Variants in RORB observed in about 807,000 individuals in gnomAD.
RORB encodes RAR related orphan receptor B.
A neutral mutation model predicts 59.1 loss-of-function variants in RORB; 6 were observed. That is an observed-to-expected ratio of 0.10 (90% CI 0.06 to 0.20). RORB has a LOEUF of 0.20. Among genes scored for constraint, RORB ranks in the 10% least tolerant of loss-of-function variants. The pLI, the probability that RORB is intolerant of heterozygous loss-of-function variation, is 1.00. For synonymous variants in RORB, 215 were observed against 204.5 expected (o/e 1.05, Z -0.44); for missense variants, 320 against 560.5 (o/e 0.57, Z 4.33).
At chr9:74,609,997 C>T (rs772026509) in intron 1 of RORB, among the ~76,000 whole-genome samples, 2 of 152,210 alleles carry the variant, frequency 1.3e-5, no homozygotes, top group East Asian at 3.8e-4. Flanking sequence ...AGAAACCCTG[C>T]TCTAGAACCT....
chr9:74,623,061 T>C (rs4745348), intron 1 of RORB, among the ~76,000 whole-genome samples: 145,964 of 152,300 alleles, frequency 0.96, 70,268 homozygotes, highest in East Asian at 1. Context: ...CCAGAACTAC[T>C]GTGAATAGCC....
At chr9:74,597,848 C>T (rs1822993201) in intron 1 of RORB, among the ~76,000 whole-genome samples, 1 of 151,972 alleles carries the variant, frequency 6.6e-6, no homozygotes, top group Admixed American at 6.6e-5. Flanking sequence ...ATCCCAGCTA[C>T]TTGGGAGGCT....
At chr9:74,592,158 C>T (rs910725549) in intron 1 of RORB, among the ~76,000 whole-genome samples, 1 of 152,144 alleles carries the variant, frequency 6.6e-6, no homozygotes, top group Non-Finnish European at 1.5e-5. Flanking sequence ...TCAGGATTCT[C>T]ACATCCCTAG....
At chr9:74,636,198 C>A (rs920883253) in intron 3 of RORB, among the ~76,000 whole-genome samples, 1 of 152,060 alleles carries the variant, frequency 6.6e-6, no homozygotes, top group South Asian at 2.1e-4. Context: ...ATACTTATTT[C>A]GTGTAATTAT....
intron 1 of RORB, among the ~76,000 whole-genome samples, chr9:74,600,245 G>A (rs1044065179): frequency 3.3e-5 from 5 of 152,158 alleles, no homozygotes; most frequent in African/African-American, 4.8e-5. Context: ...TTTTATTCTT[G>A]AAAGTAATTC....
intron 4 of RORB, among the ~76,000 whole-genome samples, chr9:74,651,031 A>T (rs1275540410): frequency 2.0e-5 from 3 of 152,138 alleles, no homozygotes; most frequent in Non-Finnish European, 4.4e-5. Flanking sequence ...TCATAATGAG[A>T]TTTCATCATC....
intron 1 of RORB, among the ~76,000 whole-genome samples, chr9:74,571,599 T>G (rs568235494): frequency 6.6e-6 from 1 of 152,316 alleles, no homozygotes; most frequent in South Asian, 2.1e-4. Context: ...ATATTATCAC[T>G]GCTGGAGAGC....
At chr9:74,526,089 G>A (rs1236090473) in intron 1 of RORB, among the ~76,000 whole-genome samples, 2 of 151,738 alleles carry the variant, frequency 1.3e-5, no homozygotes, top group African/African-American at 2.4e-5. Flanking sequence ...CTTCTAATTT[G>A]GAATCACTCA....
At chr9:74,612,880 TCTTA>T (rs1458531398) in intron 1 of RORB, among the ~76,000 whole-genome samples, 1 of 152,212 alleles carries the variant, frequency 6.6e-6, no homozygotes, top group African/African-American at 2.4e-5. Flanking sequence ...TAAATGGTTT[TCTTA>T]CTTATCCTCA....
rs563063497 is a variant in RORB, at chr9:74,691,401, A to G, written c.*5783A>G. On this transcript the variant is annotated 3_prime_UTR_variant, in exon 10 of 10. Coordinates refer to ENST00000376896, the MANE Select transcript of RORB (RefSeq NM_006914.4). ...AACCATACGTAGAAACACATTAGGTATGTCTGGAAAGCTACAAATCCCACA... is the reference window on the plus strand; with the variant it reads ...AACCATACGTAGAAACACATTAGGTGTGTCTGGAAAGCTACAAATCCCACA... 2.0e-4 allele frequency: 31 copies of G among 152,300 alleles called. No individual in the cohort carries two copies. Among genetic ancestry groups the G allele is most frequent in the African/African-American group, 7.5e-4 (31 of 41,560 alleles). 9.4% of individuals were successfully genotyped at this position (152,300 alleles called of 1,614,324 possible).
At chr9:74,586,236 G>C (rs1008499066) in intron 1 of RORB, among the ~76,000 whole-genome samples, 3 of 152,134 alleles carry the variant, frequency 2.0e-5, no homozygotes, top group South Asian at 2.1e-4. Context: ...AGTCGCTCAT[G>C]CCTGTAAACC....
At chr9:74,567,682 T>A (rs926361619) in intron 1 of RORB, among the ~76,000 whole-genome samples, 2 of 152,230 alleles carry the variant, frequency 1.3e-5, no homozygotes, top group Admixed American at 1.3e-4. Flanking sequence ...CACCACAGTC[T>A]CCCCTCATTC....
rs74838765 is a variant in RORB at position 74,504,280 on chromosome 9, A to G, written c.7+6297A>G. On this transcript the variant is annotated intron_variant, in intron 1 of 9. Coordinates refer to ENST00000376896, the MANE Select transcript of RORB (RefSeq NM_006914.4). The stretch of plus-strand genomic sequence containing the variant: ...ACACTTAGAAGGTACAGTATTTTAT[A>G]CTCAATATGTCCTGCATGCTGCTTG... 8.5e-3 allele frequency among the ~76,000 whole-genome samples: 1,294 copies of G among 152,132 alleles called. 16 individuals are homozygous for G. Among genetic ancestry groups the G allele is most frequent in the Middle Eastern group, 0.017 (5 of 294 alleles).
At chr9:74,506,321 T>C (rs977077139) in intron 1 of RORB, among the ~76,000 whole-genome samples, 4 of 152,088 alleles carry the variant, frequency 2.6e-5, no homozygotes, top group Admixed American at 2.6e-4. Flanking sequence ...ACTTGCTGAC[T>C]TTTGAGCTAT....
Position 74,654,968 on chromosome 9 carries a change from A to G in RORB, c.638-5649A>G, listed in dbSNP as rs531615162. On this transcript the variant is annotated intron_variant, in intron 4 of 9. Coordinates refer to ENST00000376896, the MANE Select transcript of RORB (RefSeq NM_006914.4). ...AGAAAATGAGGAATGTGGATTTAAT[A>G]TTAACCTGCAATACACACCCAATTT... Among the ~76,000 whole-genome samples, 21 of 152,370 alleles carry G rather than the reference A, an allele frequency of 1.4e-4. No individual in the cohort carries two copies. In the South Asian group the frequency reaches 4.3e-3, roughly 32 times the overall value.
At chr9:74,532,847 T>C (rs1264476682) in intron 1 of RORB, among the ~76,000 whole-genome samples, 1 of 31,872 alleles carries the variant, frequency 3.1e-5, no homozygotes. Flanking sequence ...TACACATATA[T>C]ATACACATAT....
intron 1 of RORB, among the ~76,000 whole-genome samples, chr9:74,569,177 A>G (rs1822513841): frequency 6.6e-6 from 1 of 152,094 alleles, no homozygotes; most frequent in African/African-American, 2.4e-5. Flanking sequence ...AATTGTTATT[A>G]TTGTTATGCA....
chr9:74,679,272 T>C (rs975038595), intron 9 of RORB, among the ~76,000 whole-genome samples: 3 of 152,228 alleles, frequency 2.0e-5, no homozygotes, highest in Admixed American at 6.5e-5. Flanking sequence ...ATTTATACTT[T>C]AAAATGTCTA....
intron 6 of RORB, among the ~76,000 whole-genome samples, chr9:74,663,825 G>C (rs540765873): frequency 2.0e-4 from 31 of 152,244 alleles, no homozygotes; most frequent in African/African-American, 7.0e-4. Flanking sequence ...CTTGCTCAAG[G>C]CTCCAAAAGC....
Sources: allele counts gnomAD v4.1 joint callset (sites outside exome capture counted in the v4.1 genomes callset), GRCh38; gene constraint gnomAD v4.1.1; transcripts MANE v1.5; gene names NCBI Gene and HGNC (gene_info 2026-07-23, HGNC 2026-07-21).